CDYL2: variants seen among roughly 807,000 people sequenced by gnomAD.
CDYL2 encodes the protein chromodomain Y like 2.
Under a neutral mutation model 49.4 loss-of-function variants are expected in CDYL2, and 23 were observed. The ratio of observed to expected loss-of-function variants is 0.47; its 90% CI spans 0.34 to 0.66. CDYL2 has a LOEUF of 0.66. Ranked by LOEUF, CDYL2 falls within the 30% of genes least tolerant of loss-of-function variation. The probability of loss-of-function intolerance (pLI) is 0.01; values close to 1 mark genes in which losing one functional copy is unlikely to be tolerated. For missense variants in CDYL2, 678 were observed against 656.4 expected (o/e 1.03, Z -0.36); for synonymous variants, 360 against 268.8 (o/e 1.34, Z -3.32).
intron 2 of CDYL2, among the ~76,000 whole-genome samples, chr16:80,681,918 A>T (rs1305099414): frequency 1.4e-5 from 2 of 141,714 alleles, no homozygotes; most frequent in South Asian, 2.2e-4. Context: ...GGAAGTCATA[A>T]AAAAAAATCA....
intron 1 of CDYL2, among the ~76,000 whole-genome samples, chr16:80,786,040 G>A (rs1335563522): frequency 6.6e-6 from 1 of 152,162 alleles, no homozygotes; most frequent in Non-Finnish European, 1.5e-5. Context: ...TACCATTCAG[G>A]ACATAGGCTT....
chr16:80,773,818 G>A (rs186865618), intron 1 of CDYL2, among the ~76,000 whole-genome samples: 5 of 152,100 alleles, frequency 3.3e-5, no homozygotes, highest in Admixed American at 2.0e-4. Flanking sequence ...ATATTTAGGA[G>A]CAATGGCAGG....
rs541022509 is a variant in CDYL2, at chr16:80,670,257, T to A, written c.616+14281A>T. On this transcript the variant is annotated intron_variant, in intron 2 of 6. Coordinates refer to ENST00000570137, the MANE Select transcript of CDYL2 (RefSeq NM_152342.4). ...TAGTTTTTATAATCCCCACGTGTGG[T>A]GGGAGGGACCCAGTGGGAGTTGACT... 2.0e-5 allele frequency among the ~76,000 whole-genome samples: 3 copies of A among 150,720 alleles called. No individual in the cohort carries two copies. In the South Asian group the frequency reaches 6.5e-4, roughly 33 times the overall value.
rs752569412 is a variant in CDYL2, at chr16:80,612,861, G to T, written c.1008-25C>A. The T allele has an allele frequency of 6.3e-7, 1 of 1,581,422 alleles. No homozygotes were observed. Among genetic ancestry groups the T allele is most frequent in the Admixed American group, 1.7e-5 (1 of 57,300 alleles). ...CCTGGGAGAGAAAGAAGATCCTCTT[G>T]AACAGGTGACTATAGCATGCTAAGC... On this transcript the variant is annotated intron_variant, in intron 4 of 6. Coordinates refer to ENST00000570137, the MANE Select transcript of CDYL2 (RefSeq NM_152342.4). This position sits in a 1 kb window ranked among gnomAD's most constrained non-coding sequence, Gnocchi z 5.0.
At chr16:80,755,279 T>C (rs981478125) in intron 1 of CDYL2, among the ~76,000 whole-genome samples, 2 of 152,172 alleles carry the variant, frequency 1.3e-5, no homozygotes, top group African/African-American at 4.8e-5. Flanking sequence ...TAGCCTTTAA[T>C]TACCAAGGAG....
intron 1 of CDYL2, among the ~76,000 whole-genome samples, chr16:80,801,105 T>C (rs1475627752): frequency 6.6e-6 from 1 of 152,236 alleles, no homozygotes; most frequent in African/African-American, 2.4e-5. Context: ...ATGGCCCCTA[T>C]GTTTAGCCGA....
chr16:80,754,004 G>C (rs973987180), intron 1 of CDYL2, among the ~76,000 whole-genome samples: 8 of 152,308 alleles, frequency 5.3e-5, no homozygotes, highest in African/African-American at 1.9e-4. Flanking sequence ...AATGATGGAA[G>C]CATGCCTTAC....
chr16:80,690,137 TA>T (rs201059688), intron 1 of CDYL2, among the ~76,000 whole-genome samples: 9 of 144,330 alleles, frequency 6.2e-5, no homozygotes, highest in African/African-American at 1.8e-4. Context: ...AAAAAAAAAA[TA>T]AAAAAATAAA....
chr16:80,801,039 T>C (rs1316504851), intron 1 of CDYL2, among the ~76,000 whole-genome samples: 1 of 152,214 alleles, frequency 6.6e-6, no homozygotes, highest in Non-Finnish European at 1.5e-5. Flanking sequence ...TTATCTACCA[T>C]TGAGCCAAGT....
chr16:80,667,499 C>G (rs1909315621), intron 2 of CDYL2, among the ~76,000 whole-genome samples: 1 of 152,210 alleles, frequency 6.6e-6, no homozygotes, highest in African/African-American at 2.4e-5. Flanking sequence ...GTAATTCCTT[C>G]CCCTAAGCTG....
intron 1 of CDYL2, among the ~76,000 whole-genome samples, chr16:80,770,684 T>G (rs937311436): frequency 6.6e-6 from 1 of 152,170 alleles, no homozygotes; most frequent in Non-Finnish European, 1.5e-5. Flanking sequence ...GATGTCTAAT[T>G]CTTGTCAATG....
intron 2 of CDYL2, among the ~76,000 whole-genome samples, chr16:80,668,097 C>G (rs1483426470): frequency 3.3e-5 from 5 of 152,254 alleles, no homozygotes; most frequent in Admixed American, 6.5e-5. Context: ...AGGAGCAGGT[C>G]CCTTTGTAGG....
intron 3 of CDYL2, among the ~76,000 whole-genome samples, chr16:80,622,331 C>T (rs968199463): frequency 6.6e-6 from 1 of 152,204 alleles, no homozygotes; most frequent in Non-Finnish European, 1.5e-5. Flanking sequence ...TTGCACATGC[C>T]AATCTCCCCA....
chr16:80,653,433 C>G lies in CDYL2; in HGVS notation c.617-20197G>C, dbSNP rs145362577. On this transcript the variant is annotated intron_variant, in intron 2 of 6. Transcript: ENST00000570137. The stretch of plus-strand genomic sequence containing the variant: ...TAAGCCGAGATCGCACCATTGCACT[C>G]CAGCCTGGGCAACAAGAGTGAAACT... 3.3e-5 allele frequency among the ~76,000 whole-genome samples: 5 copies of G among 152,200 alleles called. No individual in the cohort carries two copies. In the East Asian group the frequency reaches 9.6e-4, roughly 29 times the overall value.
chr16:80,721,651 A>G (rs973129552), intron 1 of CDYL2, among the ~76,000 whole-genome samples: 3 of 152,194 alleles, frequency 2.0e-5, no homozygotes, highest in African/African-American at 7.2e-5. Context: ...TAAAATATGC[A>G]CAGTTTCCCA....
intron 2 of CDYL2, among the ~76,000 whole-genome samples, chr16:80,669,647 G>A (rs1909416206): frequency 6.6e-6 from 1 of 152,138 alleles, no homozygotes; most frequent in South Asian, 2.1e-4. Flanking sequence ...GAGGGTCGGT[G>A]GGCAAGACAG....
intron 4 of CDYL2, among the ~76,000 whole-genome samples, chr16:80,615,896 A>G (rs893529655): frequency 1.1e-4 from 16 of 152,110 alleles, no homozygotes; most frequent in Non-Finnish European, 1.0e-4. Flanking sequence ...GTAGATCTCT[A>G]TCACTGGGAG....
At chr16:80,637,321 G>C (rs1467383803) in intron 2 of CDYL2, among the ~76,000 whole-genome samples, 1 of 152,118 alleles carries the variant, frequency 6.6e-6, no homozygotes, top group Non-Finnish European at 1.5e-5. Context: ...GGTGAGAAAT[G>C]GATGCTTTGC....
intron 3 of CDYL2, among the ~76,000 whole-genome samples, chr16:80,626,396 C>G (rs74028340): frequency 0.11 from 16,771 of 150,608 alleles, 2,941 homozygotes; most frequent in African/African-American, 0.38. Flanking sequence ...GTATGGCGTA[C>G]AACTGTAGTA....
Sources: gnomAD v4.1 joint callset for allele counts (sites outside exome capture counted in the v4.1 genomes callset) on GRCh38, gnomAD v4.1.1 for gene constraint, Gnocchi (gnomAD v3.1) non-coding constraint, MANE v1.5 for transcripts, NCBI Gene and HGNC (gene_info 2026-07-23, HGNC 2026-07-21) for gene names.